The following MAF variants were observed in gnomAD, a reference collection of about 807,000 sequenced individuals.
The protein encoded by MAF is transcription factor Maf.
In MAF, 10 loss-of-function variants were observed where a neutral mutation model predicts 22.0. That is an observed-to-expected ratio of 0.45 (90% confidence interval 0.28 to 0.77). MAF has a LOEUF of 0.77. Ranked by LOEUF, MAF falls within the 30% of genes least tolerant of loss-of-function variation. The pLI, the probability that MAF is intolerant of heterozygous loss-of-function variation, is 0.12. For synonymous variants in MAF, 337 were observed against 255.8 expected, an observed-to-expected ratio of 1.32 and a Z score of -3.03; for missense variants, 544 against 548.4, an observed-to-expected ratio of 0.99 and a Z score of 0.08.
the MAF span, among the ~76,000 whole-genome samples, chr16:79,532,766 T>C: frequency 2.6e-5 from 4 of 152,160 alleles, no homozygotes; most frequent in South Asian, 2.1e-4. Flanking sequence ...GCCTAGAAGA[T>C]AGATAAAAAT....
the MAF span, among the ~76,000 whole-genome samples, chr16:79,549,315 G>C: frequency 6.6e-6 from 1 of 152,150 alleles, no homozygotes. Flanking sequence ...AGAATGCCTT[G>C]TTTCCAGCTG....
the MAF span, among the ~76,000 whole-genome samples, chr16:79,462,960 G>C: frequency 6.6e-6 from 1 of 152,234 alleles, no homozygotes; most frequent in Non-Finnish European, 1.5e-5. Context: ...TAGGGGATTA[G>C]AGGGTGGTAA....
At chr16:79,288,211 C>G in the MAF span, among the ~76,000 whole-genome samples, 1 of 152,160 alleles carries the variant, frequency 6.6e-6, no homozygotes, top group East Asian at 1.9e-4. Flanking sequence ...CTTCTGCCAT[C>G]AAGAGGTGGG....
the MAF span, among the ~76,000 whole-genome samples, chr16:79,236,944 G>GAAAA: frequency 6.4e-5 from 9 of 140,672 alleles, no homozygotes; most frequent in Non-Finnish European, 6.1e-5. Context: ...ATAAATCTCG[G>GAAAA]AAAAAAAAAA....
chr16:79,514,737 C>A, the MAF span, among the ~76,000 whole-genome samples: 1 of 152,198 alleles, frequency 6.6e-6, no homozygotes, highest in Non-Finnish European at 1.5e-5. Flanking sequence ...TCGTAGGCGG[C>A]CTCTATCAAT....
chr16:79,257,645 GA>G, the MAF span, among the ~76,000 whole-genome samples: 1 of 152,154 alleles, frequency 6.6e-6, no homozygotes, highest in African/African-American at 2.4e-5. Flanking sequence ...ATCTCATCTA[GA>G]AAATGAATGT....
chr16:79,386,937 T>A, the MAF span, among the ~76,000 whole-genome samples: 1 of 152,234 alleles, frequency 6.6e-6, no homozygotes, highest in Admixed American at 6.5e-5. Flanking sequence ...TTAACTGCTG[T>A]AAAAGCTCAT....
At chr16:79,418,013 G>A in the MAF span, among the ~76,000 whole-genome samples, 1 of 152,138 alleles carries the variant, frequency 6.6e-6, no homozygotes, top group African/African-American at 2.4e-5. Context: ...CCTTGTGCAA[G>A]AGGCAACAGA....
chr16:79,414,740 T>A, the MAF span, among the ~76,000 whole-genome samples: 2 of 152,214 alleles, frequency 1.3e-5, no homozygotes. Flanking sequence ...AAGATCAAAA[T>A]GGAGTTTTGT....
the MAF span, among the ~76,000 whole-genome samples, chr16:79,520,137 C>A: frequency 6.6e-6 from 1 of 152,186 alleles, no homozygotes; most frequent in African/African-American, 2.4e-5. Context: ...TCAGCAGGCG[C>A]CTGCTAACTC....
chr16:79,598,581 G>GT (rs1913725991), intron 1 of MAF: 210 of 1,410,578 alleles, frequency 1.5e-4, no homozygotes, highest in Middle Eastern at 7.7e-4. Context: ...CAGGGTGTGG[G>GT]GTGTGTGTGT....
the MAF span, among the ~76,000 whole-genome samples, chr16:79,565,611 C>T: frequency 2.0e-5 from 3 of 152,250 alleles, no homozygotes; most frequent in South Asian, 6.2e-4. Context: ...TTATAAGGGG[C>T]TCTTTTCCCT....
At chr16:79,363,556 G>C in the MAF span, among the ~76,000 whole-genome samples, 1 of 152,162 alleles carries the variant, frequency 6.6e-6, no homozygotes, top group Non-Finnish European at 1.5e-5. Flanking sequence ...TGGAAGCGTG[G>C]TTTCTACTGA....
At chr16:79,400,130 C>A in the MAF span, among the ~76,000 whole-genome samples, 85,423 of 151,978 alleles carry the variant, frequency 0.56, 24,533 homozygotes, top group East Asian at 0.78. Context: ...CTATTGACAT[C>A]TAGTGGGTAG....
chr16:79,580,906 G>C (rs1912477200), downstream of MAF, among the ~76,000 whole-genome samples: 2 of 152,110 alleles, frequency 1.3e-5, no homozygotes, highest in Admixed American at 1.3e-4. Context: ...CGTTGGGAGA[G>C]AACTTCAAGT....
the MAF span, among the ~76,000 whole-genome samples, chr16:79,491,590 G>C: frequency 1.3e-5 from 2 of 152,090 alleles, no homozygotes; most frequent in African/African-American, 4.8e-5. Flanking sequence ...CCTCCCGGTG[G>C]TAAATAAGCC....
chr16:79,468,641 G>A, the MAF span, among the ~76,000 whole-genome samples: 2 of 152,312 alleles, frequency 1.3e-5, no homozygotes, highest in East Asian at 3.9e-4. Context: ...CAGGGGTGTT[G>A]GCATTGAGGG....
the MAF span, among the ~76,000 whole-genome samples, chr16:79,208,135 G>C: frequency 6.6e-6 from 1 of 152,098 alleles, no homozygotes; most frequent in South Asian, 2.1e-4. Context: ...AAGAGTCCTG[G>C]GTAATTTTAC....
chr16:79,599,638 C>G lies in MAF; in HGVS notation c.265G>C (p.Glu89Gln). The G allele has an allele frequency of 6.2e-7, 1 of 1,611,714 alleles. No individual in the cohort carries two copies. Among genetic ancestry groups the G allele is most frequent in the Non-Finnish European group, 8.5e-7 (1 of 1,179,532 alleles). ...TAGCCGGTCATCCAGTAGTAGTCTT[C>G]CAGGTGCGCCTTCTGCTCGCTGCCC... ...GSGSEQKAHLEDYYWMTGYPQ... is the reference protein window; with the variant it reads ...GSGSEQKAHLQDYYWMTGYPQ... Residue 89 changes from glutamate (E) to glutamine (Q), a missense_variant, in exon 1 of 2, where the codon GAA becomes CAA. Physicochemically the swap from Glu to Gln is conservative, Grantham distance 29 (BLOSUM62 2). Transcript: ENST00000326043.
Sources: gnomAD v4.1 joint callset for allele counts (sites outside exome capture counted in the v4.1 genomes callset) on GRCh38, gnomAD v4.1.1 for gene constraint, MANE v1.5 for transcripts, NCBI Gene and HGNC (gene_info 2026-07-23, HGNC 2026-07-21) for gene names.